The following KANSL3 variants were observed in gnomAD, a reference collection of about 807,000 sequenced individuals.
The protein encoded by KANSL3 is NSL complex protein NSL3.
KANSL3 carries 16 observed loss-of-function variants against 89.2 expected under a neutral mutation model. The ratio of observed to expected loss-of-function variants is 0.18; its 90% CI spans 0.12 to 0.27. KANSL3 has a LOEUF of 0.27. Ranked by LOEUF, KANSL3 falls within the 10% of genes least tolerant of loss-of-function variation. The pLI, the probability that KANSL3 is intolerant of heterozygous loss-of-function variation, is 1.00. For missense variants in KANSL3, 879 were observed against 1,110.6 expected (o/e 0.79, Z 2.96); for synonymous variants, 385 against 419.7 (o/e 0.92, Z 1.01).
chr2:96,621,300 G>A (rs1344474665), intron 3 of KANSL3, among the ~76,000 whole-genome samples: 7 of 152,138 alleles, frequency 4.6e-5, no homozygotes, highest in African/African-American at 1.7e-4. Context: ...TGGATCACGA[G>A]ATCAGGAGTT....
chr2:96,584,947 A>G, the KANSL3 span, among the ~76,000 whole-genome samples: 1 of 152,228 alleles, frequency 6.6e-6, no homozygotes, highest in African/African-American at 2.4e-5. Context: ...TGTTAAAAAC[A>G]TTAATGACTT....
downstream of KANSL3, among the ~76,000 whole-genome samples, chr2:96,588,328 A>T (rs1465685338): frequency 6.6e-6 from 1 of 152,218 alleles, no homozygotes; most frequent in African/African-American, 2.4e-5. Context: ...AAGAAAGCAG[A>T]ATTTTCCAAA....
Position 96,608,669 on chromosome 2 carries a change from G to A in KANSL3, c.1585-5C>T, listed in dbSNP as rs2068374240. 5 of 1,614,020 alleles carry A rather than the reference G, an allele frequency of 3.1e-6. No homozygotes were observed. In the East Asian group the frequency reaches 6.7e-5, roughly 22 times the overall value. The stretch of plus-strand genomic sequence containing the variant: ...GCTGGACACACTGGAGAGATCCTGA[G>A]TAAGGTGAGAAGGTCAAGAGATGAG... On this transcript the variant is annotated splice_polypyrimidine_tract_variant and splice_region_variant and intron_variant, in intron 13 of 20. Coordinates refer to ENST00000431828, the MANE Select transcript of KANSL3 (RefSeq NM_001115016.3).
At chr2:96,627,099 T>C (rs778862214) in intron 3 of KANSL3, among the ~76,000 whole-genome samples, 3 of 152,230 alleles carry the variant, frequency 2.0e-5, no homozygotes, top group Non-Finnish European at 4.4e-5. Context: ...CCCACTGTCA[T>C]AGTTAGACAA....
chr2:96,601,191 C>T (rs1325384480), intron 20 of KANSL3: 24 of 467,900 alleles, frequency 5.1e-5, no homozygotes, highest in Non-Finnish European at 6.2e-5. Context: ...TTGCTTGAAC[C>T]GGGGAGGTGG....
At chr2:96,616,654 T>C (rs1221557087) in intron 5 of KANSL3, among the ~76,000 whole-genome samples, 1 of 152,110 alleles carries the variant, frequency 6.6e-6, no homozygotes, top group Non-Finnish European at 1.5e-5. Flanking sequence ...CATGGGAAAA[T>C]AAGAGTCCGA....
In KANSL3 at chr2:96,609,495, T is replaced by G; in HGVS notation, c.1383+4A>C. On this transcript the variant is annotated splice_donor_region_variant and intron_variant, in intron 12 of 20. Transcript: ENST00000431828. ...TGAGAAAAGCACACAAAACAACTGTTTACCTGAATACATCTGTCCACCATG... is the reference window on the plus strand; with the variant it reads ...TGAGAAAAGCACACAAAACAACTGTGTACCTGAATACATCTGTCCACCATG... 1 of 1,613,486 alleles carries G rather than the reference T, an allele frequency of 6.2e-7. No homozygotes were observed. Among genetic ancestry groups the G allele is most frequent in the South Asian group, 1.1e-5 (1 of 91,072 alleles).
chr2:96,601,350 GA>G lies in KANSL3; in HGVS notation c.2616+292del, dbSNP rs770949968. On this transcript the variant is annotated intron_variant, in intron 20 of 20. Coordinates refer to ENST00000431828, the MANE Select transcript of KANSL3 (RefSeq NM_001115016.3). Reference sequence around the variant, plus strand: ...CTCTGAAGGATGAAACCAAGGATGAGAAAAAAATGAAACGAAAGGAAAAGTA... The same window carrying G: ...CTCTGAAGGATGAAACCAAGGATGAGAAAAAATGAAACGAAAGGAAAAGTA... 47 of 985,212 alleles carry G rather than the reference GA, an allele frequency of 4.8e-5. No homozygotes were observed. In the African/African-American group the frequency reaches 8.0e-4, roughly 17 times the overall value. 61.0% of individuals were successfully genotyped at this position (985,212 alleles called of 1,614,324 possible).
In KANSL3 at chr2:96,605,410, A is replaced by C; in HGVS notation, c.1843T>G (p.Ser615Ala). 1.2e-6 allele frequency: 2 copies of C among 1,613,934 alleles called. No homozygotes were observed. Among genetic ancestry groups the C allele is most frequent in the South Asian group, 2.2e-5 (2 of 91,084 alleles). Reference protein sequence around the residue: ...PSSPLPGSKTSKRPKIKVSLI... With the variant: ...PSSPLPGSKTAKRPKIKVSLI... ...GACACCTTGATCTTCGGTCGTTTGG[A>C]GGTCTTACTGCCAGGAAGGGGACTC... Residue 615 changes from serine (S) to alanine (A), a missense_variant, in exon 15 of 21, where the codon TCC becomes GCC. By Grantham distance (99) the Ser-to-Ala change is moderately conservative. Coordinates refer to ENST00000431828, the MANE Select transcript of KANSL3 (RefSeq NM_001115016.3).
intron 19 of KANSL3, 37 bp downstream of exon 19, chr2:96,602,079 G>C: frequency 6.5e-7 from 1 of 1,527,874 alleles, no homozygotes; most frequent in Non-Finnish European, 8.8e-7. Context: ...AAAGATCCCA[G>C]ATCTGGGAGT....
Position 96,608,606 on chromosome 2 carries a change from A to T in KANSL3, c.1643T>A (p.Val548Glu). 2 of 1,614,018 alleles carry T rather than the reference A, an allele frequency of 1.2e-6. No homozygotes were observed. Among genetic ancestry groups the T allele is most frequent in the South Asian group, 1.1e-5 (1 of 91,072 alleles). ...CTGACTGGACTTCTGGGCAGAGGTC[A>T]CTGTGGTCACTTTGGTCTTGGGACT... ...TSSPKTKVTT[V>E]TSAQKSSQIG... Residue 548 changes from valine to glutamate, a missense_variant, in exon 14 of 21, where the codon GTG becomes GAG. By Grantham distance (121) the Val-to-Glu change is moderately radical. Coordinates refer to ENST00000431828, the MANE Select transcript of KANSL3 (RefSeq NM_001115016.3).
intron 5 of KANSL3, among the ~76,000 whole-genome samples, chr2:96,614,226 G>C (rs2069536640): frequency 6.6e-6 from 1 of 152,098 alleles, no homozygotes; most frequent in African/African-American, 2.4e-5. Flanking sequence ...CCAAGTAGCT[G>C]AGATTACAGG....
At chr2:96,619,790 G>T in intron 3 of KANSL3, 28 bp from the exon 4 acceptor site, 1 of 1,525,370 alleles carries the variant, frequency 6.6e-7, no homozygotes, top group Non-Finnish European at 8.9e-7. Flanking sequence ...AGGAATTATA[G>T]TCAAACCCTG....
At chr2:96,626,123 T>C (rs1204085142) in intron 3 of KANSL3, among the ~76,000 whole-genome samples, 5 of 152,182 alleles carry the variant, frequency 3.3e-5, no homozygotes, top group East Asian at 3.8e-4. Flanking sequence ...AAATATAACA[T>C]TGGTCCTGAA....
the KANSL3 span, among the ~76,000 whole-genome samples, chr2:96,587,094 C>T: frequency 6.6e-6 from 1 of 152,286 alleles, no homozygotes; most frequent in African/African-American, 2.4e-5. Context: ...TGTGAGGTGG[C>T]TGTCTCCTCA....
Position 96,593,647 on chromosome 2 carries a change from G to T in KANSL3, c.*1964C>A. 1 of 218,060 alleles carries T rather than the reference G, an allele frequency of 4.6e-6. No individual in the cohort carries two copies. Among genetic ancestry groups the T allele is most frequent in the East Asian group, 1.1e-4 (1 of 9,350 alleles). 13.5% of individuals were successfully genotyped at this position (218,060 alleles called of 1,614,324 possible). On this transcript the variant is annotated 3_prime_UTR_variant, in exon 21 of 21. Coordinates refer to ENST00000431828, the MANE Select transcript of KANSL3 (RefSeq NM_001115016.3). ...GAAGTCATCCCTTGTAAGCACACTA[G>T]AATTTATCATAAAGGCAGGTCGGCT...
intron 17 of KANSL3, chr2:96,603,266 A>C (rs1226230444): frequency 6.2e-6 from 1 of 160,046 alleles, no homozygotes; most frequent in African/African-American, 2.4e-5. Context: ...GGTTCTCTTA[A>C]AGGAAAAGGG....
the KANSL3 span, among the ~76,000 whole-genome samples, chr2:96,588,064 A>G: frequency 2.0e-5 from 3 of 152,304 alleles, no homozygotes; most frequent in East Asian, 5.8e-4. Context: ...CATGATGCAG[A>G]GGAAAAAGAA....
intron 14 of KANSL3, 114 bp from the exon 15 acceptor site, chr2:96,605,625 C>T (rs2067862266): frequency 1.2e-5 from 10 of 863,952 alleles, no homozygotes; most frequent in Non-Finnish European, 1.7e-5. Context: ...ACAGGATAAC[C>T]ACTCTACGTA....
Sources: allele counts gnomAD v4.1 joint callset (sites outside exome capture counted in the v4.1 genomes callset), GRCh38; gene constraint gnomAD v4.1.1; transcripts MANE v1.5; gene names NCBI Gene and HGNC (gene_info 2026-07-23, HGNC 2026-07-21).